The following COG7 variants were observed in gnomAD, a reference collection of about 807,000 sequenced individuals.
COG7 encodes the protein component of oligomeric golgi complex 7.
Under a neutral mutation model 91.5 loss-of-function variants are expected in COG7, and 49 were observed. The observed-to-expected ratio is 0.54, with a 90% CI of 0.43 to 0.68. The LOEUF is 0.68. Ranked by LOEUF, COG7 falls within the 30% of genes least tolerant of loss-of-function variation. The pLI, the probability that COG7 is intolerant of heterozygous loss-of-function variation, is 0.00. For synonymous variants in COG7, 365 were observed against 388.7 expected, an observed-to-expected ratio of 0.94 and a Z score of 0.72; for missense variants, 895 against 961.3, an observed-to-expected ratio of 0.93 and a Z score of 0.91.
intron 9 of COG7, chr16:23,415,531 ATGTCAGAGTCACCG>A (rs1963638426): frequency 6.6e-6 from 1 of 152,100 alleles, no homozygotes; most frequent in South Asian, 2.1e-4. Flanking sequence ...ATTGTCAACC[ATGTCAGAGTCACCG>A]TGTTAGGGGC....
At chr16:23,444,509 TTC>T (rs1491203622) in intron 3 of COG7, among the ~76,000 whole-genome samples, 69 of 136,274 alleles carry the variant, frequency 5.1e-4, no homozygotes, top group Admixed American at 2.0e-3. Flanking sequence ...TCTTTTCTTC[TTC>T]TTTTTTTTTT....
At chr16:23,419,116 C>G (rs1360036911) in intron 7 of COG7, among the ~76,000 whole-genome samples, 2 of 152,190 alleles carry the variant, frequency 1.3e-5, no homozygotes, top group African/African-American at 2.4e-5. Flanking sequence ...CAAAAGATAA[C>G]CCTCATTGGC....
chr16:23,389,333 C>G (rs1963149963), intron 16 of COG7, among the ~76,000 whole-genome samples: 1 of 151,984 alleles, frequency 6.6e-6, no homozygotes, highest in African/African-American at 2.4e-5. Context: ...AACATCACTC[C>G]CATCCCCAAC....
rs1230811402 is a variant in COG7, at chr16:23,388,653, C to A, written c.*267G>T. 1.1e-5 allele frequency: 2 copies of A among 182,930 alleles called. No individual in the cohort carries two copies. The highest frequency in any genetic ancestry group is 1.5e-4 in the East Asian group (1 of 6,614). 11.3% of individuals were successfully genotyped at this position (182,930 alleles called of 1,614,324 possible). ...TTTTTTTTTTTTTTTGAGACAGAGT[C>A]TCGCTCTGCTGTTAATTTTTGTATT... On this transcript the variant is annotated 3_prime_UTR_variant, in exon 17 of 17. Coordinates refer to ENST00000307149, the MANE Select transcript of COG7 (RefSeq NM_153603.4).
intron 9 of COG7, 142 bp downstream of exon 9, chr16:23,416,825 G>A: frequency 1.1e-6 from 1 of 920,694 alleles, no homozygotes; most frequent in Non-Finnish European, 1.7e-6. Flanking sequence ...ATGCCACTAT[G>A]AATATCCTTA....
chr16:23,390,572 A>G (rs1227165578), intron 16 of COG7, among the ~76,000 whole-genome samples: 1 of 151,992 alleles, frequency 6.6e-6, no homozygotes, highest in Non-Finnish European at 1.5e-5. Flanking sequence ...GCTCCAGGCA[A>G]GGCCTCAACT....
chr16:23,438,299 C>T (rs1053662561), intron 4 of COG7, among the ~76,000 whole-genome samples: 2 of 152,168 alleles, frequency 1.3e-5, no homozygotes, highest in African/African-American at 4.8e-5. Flanking sequence ...TGGCTCACGC[C>T]TGTAATCTCA....
At chr16:23,410,176 C>T in intron 11 of COG7, 119 bp downstream of exon 11, 1 of 771,174 alleles carries the variant, frequency 1.3e-6, no homozygotes, top group South Asian at 1.5e-5. Context: ...TACAGACAGT[C>T]CTCCAGCCCT....
intron 13 of COG7, among the ~76,000 whole-genome samples, chr16:23,403,481 G>A (rs769722760): frequency 4.6e-5 from 7 of 152,164 alleles, no homozygotes; most frequent in African/African-American, 9.7e-5. Flanking sequence ...CCTGAGAACC[G>A]CCTGTGAATA....
intron 6 of COG7, among the ~76,000 whole-genome samples, chr16:23,430,887 G>C (rs1322873463): frequency 6.6e-6 from 1 of 151,866 alleles, no homozygotes; most frequent in Non-Finnish European, 1.5e-5. Flanking sequence ...TGATTGACTG[G>C]GCACTTTGGC....
chr16:23,410,235 A>T, intron 11 of COG7, 60 bp downstream of exon 11: 2 of 1,418,268 alleles, frequency 1.4e-6, no homozygotes, highest in Non-Finnish European at 2.0e-6. Context: ...TGTGTACTAG[A>T]CCAAGCTCGT....
chr16:23,451,245 C>T (rs1567350959), intron 1 of COG7, among the ~76,000 whole-genome samples: 1 of 152,160 alleles, frequency 6.6e-6, no homozygotes, highest in Admixed American at 6.6e-5. Flanking sequence ...ACTATCCACT[C>T]CCAGTGGAAG....
chr16:23,402,402 C>A (rs1963392914), intron 13 of COG7, among the ~76,000 whole-genome samples: 1 of 150,996 alleles, frequency 6.6e-6, no homozygotes, highest in African/African-American at 2.4e-5. Flanking sequence ...AATACCTATA[C>A]AATTTTTATT....
chr16:23,422,224 A>G (rs1310587223), intron 7 of COG7, among the ~76,000 whole-genome samples: 2 of 152,088 alleles, frequency 1.3e-5, no homozygotes, highest in African/African-American at 2.4e-5. Flanking sequence ...AGTTCAGAGA[A>G]TCACTTGAGC....
At chr16:23,418,157 T>C (rs531444570) in intron 8 of COG7, among the ~76,000 whole-genome samples, 1 of 152,126 alleles carries the variant, frequency 6.6e-6, no homozygotes, top group Non-Finnish European at 1.5e-5. Context: ...AATCAACTTA[T>C]CCCCCAAAAG....
chr16:23,433,817 AG>A, intron 5 of COG7, 150 bp from the exon 6 acceptor site: 1 of 716,354 alleles, frequency 1.4e-6, no homozygotes, highest in Admixed American at 2.7e-5. Context: ...AAAGAAAGGC[AG>A]GAAAAAAAAA....
Position 23,388,728 on chromosome 16 carries a change from C to T in COG7, c.*192G>A, listed in dbSNP as rs1963135158. 6.3e-6 allele frequency: 6 copies of T among 948,034 alleles called. No homozygotes were observed. Among genetic ancestry groups the T allele is most frequent in the Non-Finnish European group, 7.4e-6 (5 of 672,258 alleles). The allele number at this position is 948,034 out of a possible 1,614,324, so 58.7% of individuals were successfully genotyped here. ...TGTTGGTCAGGCTGGTCTCGAACTCCTGGCTTCATGATCCATCTGGCTTGG... is the reference window on the plus strand; with the variant it reads ...TGTTGGTCAGGCTGGTCTCGAACTCTTGGCTTCATGATCCATCTGGCTTGG... On this transcript the variant is annotated 3_prime_UTR_variant, in exon 17 of 17. Coordinates refer to ENST00000307149, the MANE Select transcript of COG7 (RefSeq NM_153603.4).
chr16:23,398,242 T>A, intron 13 of COG7, 113 bp from the exon 14 acceptor site: 1 of 858,890 alleles, frequency 1.2e-6, no homozygotes, highest in South Asian at 1.4e-5. Flanking sequence ...CTGTCTTTGG[T>A]TGGAGCTGAC....
intron 12 of COG7, 41 bp downstream of exon 12, chr16:23,406,035 A>G: frequency 6.3e-7 from 1 of 1,581,568 alleles, no homozygotes; most frequent in Non-Finnish European, 8.7e-7. Context: ...GATGAGAAGA[A>G]GCCTTTCATT....
Sources: gnomAD v4.1 joint callset for allele counts (sites outside exome capture counted in the v4.1 genomes callset) on GRCh38, gnomAD v4.1.1 for gene constraint, MANE v1.5 for transcripts, NCBI Gene and HGNC (gene_info 2026-07-23, HGNC 2026-07-21) for gene names.